Variants in BRINP3 observed in about 807,000 individuals in gnomAD.
BRINP3 encodes the protein BMP/retinoic acid-inducible neural-specific protein 3.
A neutral mutation model predicts 71.0 loss-of-function variants in BRINP3; 19 were observed. That is an observed-to-expected ratio of 0.27 (90% CI 0.19 to 0.39). The LOEUF (loss-of-function observed/expected upper bound fraction) is 0.39. BRINP3 is among the 10% of genes least tolerant of loss of function. The pLI is 1.00. For missense variants in BRINP3, 959 were observed against 940.8 expected (o/e 1.02, Z -0.25); for synonymous variants, 380 against 337.7 (o/e 1.13, Z -1.37).
chr1:190,310,542 C>CAG (rs1665444877), intron 2 of BRINP3, among the ~76,000 whole-genome samples: 1 of 151,658 alleles, frequency 6.6e-6, no homozygotes, highest in Admixed American at 6.6e-5. Flanking sequence ...ATCCAGCATA[C>CAG]TGCATGCCAT....
At chr1:190,456,292 G>A (rs931393757) in intron 1 of BRINP3, among the ~76,000 whole-genome samples, 4 of 152,114 alleles carry the variant, frequency 2.6e-5, no homozygotes, top group Non-Finnish European at 5.9e-5. Flanking sequence ...TTAATATCAC[G>A]ATATCCATAA....
At chr1:190,255,778 C>A (rs929489935) in intron 4 of BRINP3, among the ~76,000 whole-genome samples, 4 of 151,876 alleles carry the variant, frequency 2.6e-5, no homozygotes, top group African/African-American at 9.7e-5. Context: ...GTCTCTCTCT[C>A]CTTCAGTTCT....
At chr1:190,421,554 C>T (rs1673386668) in intron 2 of BRINP3, among the ~76,000 whole-genome samples, 1 of 151,374 alleles carries the variant, frequency 6.6e-6, no homozygotes, top group African/African-American at 2.4e-5. Context: ...AATTGATTCC[C>T]TATGTTATGA....
chr1:190,348,645 T>C (rs1668176152), intron 2 of BRINP3, among the ~76,000 whole-genome samples: 1 of 152,186 alleles, frequency 6.6e-6, no homozygotes, highest in Non-Finnish European at 1.5e-5. Context: ...CCTGGAAATA[T>C]ATTAAGCACT....
chr1:190,343,710 T>C (rs577998702), intron 2 of BRINP3, among the ~76,000 whole-genome samples: 1 of 151,666 alleles, frequency 6.6e-6, no homozygotes, highest in African/African-American at 2.4e-5. Context: ...GGAGAGTACG[T>C]CTTCTACCAA....
At chr1:190,120,958 G>A (rs1038247998) in intron 7 of BRINP3, among the ~76,000 whole-genome samples, 10 of 152,140 alleles carry the variant, frequency 6.6e-5, no homozygotes, top group Non-Finnish European at 7.4e-5. Context: ...AAGGCAGTGA[G>A]TTAAATTATG....
At chr1:190,377,836 GA>G in intron 2 of BRINP3, among the ~76,000 whole-genome samples, 1 of 151,790 alleles carries the variant, frequency 6.6e-6, no homozygotes, top group East Asian at 1.9e-4. Context: ...AAGCTACACT[GA>G]AAAGTACAAA....
chr1:190,313,587 A>G (rs1665679359), intron 2 of BRINP3, among the ~76,000 whole-genome samples: 1 of 152,018 alleles, frequency 6.6e-6, no homozygotes, highest in Non-Finnish European at 1.5e-5. Context: ...GCAAATTTTT[A>G]TTCTTACAAC....
intron 2 of BRINP3, among the ~76,000 whole-genome samples, chr1:190,385,762 G>A (rs941389519): frequency 4.6e-5 from 7 of 151,820 alleles, no homozygotes; most frequent in African/African-American, 1.5e-4. Flanking sequence ...AATCATGCTG[G>A]TATAAAGACA....
At chr1:190,193,318 C>A (rs1036339168) in intron 6 of BRINP3, among the ~76,000 whole-genome samples, 4 of 151,950 alleles carry the variant, frequency 2.6e-5, no homozygotes, top group Non-Finnish European at 5.9e-5. Flanking sequence ...ATGTGTGAAG[C>A]CCAAGCAGGA....
intron 2 of BRINP3, among the ~76,000 whole-genome samples, chr1:190,368,115 A>G (rs2102170641): frequency 6.6e-6 from 1 of 152,240 alleles, no homozygotes; most frequent in Admixed American, 6.5e-5. Flanking sequence ...ATAAAGACAT[A>G]CCTGAGACTG....
chr1:190,419,183 GAAATAAAAAATGAATGTTTCA>G (rs1442485829), intron 2 of BRINP3, among the ~76,000 whole-genome samples: 1 of 151,738 alleles, frequency 6.6e-6, no homozygotes, highest in East Asian at 1.9e-4. Context: ...ATCAAAAGGG[GAAATAAAAAATGAATGTTTCA>G]AAAGCATTAC....
chr1:190,352,316 T>G (rs774510789), intron 2 of BRINP3, among the ~76,000 whole-genome samples: 2 of 152,032 alleles, frequency 1.3e-5, no homozygotes, highest in Non-Finnish European at 2.9e-5. Flanking sequence ...CCTGTTCCAC[T>G]GGGGGAAGCT....
chr1:190,130,064 G>A (rs889470697), intron 7 of BRINP3, among the ~76,000 whole-genome samples: 2 of 151,880 alleles, frequency 1.3e-5, no homozygotes, highest in African/African-American at 4.8e-5. Flanking sequence ...TTCTAGCATC[G>A]TGTCCAGATA....
chr1:190,448,723 T>C (rs1409918142), intron 2 of BRINP3, among the ~76,000 whole-genome samples: 1 of 151,918 alleles, frequency 6.6e-6, no homozygotes, highest in African/African-American at 2.4e-5. Flanking sequence ...CTGATTATGA[T>C]AATTATTTTT....
At chr1:190,102,593 T>C (rs901195336) in intron 7 of BRINP3, among the ~76,000 whole-genome samples, 15 of 151,574 alleles carry the variant, frequency 9.9e-5, no homozygotes, top group African/African-American at 3.4e-4. Context: ...GTAAACATTC[T>C]AAATAAAAGA....
rs535573915 is a variant in BRINP3 at position 190,364,472 on chromosome 1, G to A, written c.237-82722C>T. ...TATGCAATAAACAACGTGGAGCCCAGGAAAGAGACAGGAACTTGGCAATCA... is the reference window on the plus strand; with the variant it reads ...TATGCAATAAACAACGTGGAGCCCAAGAAAGAGACAGGAACTTGGCAATCA... On this transcript the variant is annotated intron_variant, in intron 2 of 7. Coordinates refer to ENST00000367462, the MANE Select transcript of BRINP3 (RefSeq NM_199051.3). Among the ~76,000 whole-genome samples the A allele has an allele frequency of 2.6e-5, 4 of 152,022 alleles. No homozygotes were observed. In the East Asian group the frequency reaches 7.8e-4, roughly 29 times the overall value.
chr1:190,441,145 A>C (rs1453774269), intron 2 of BRINP3, among the ~76,000 whole-genome samples: 2 of 151,496 alleles, frequency 1.3e-5, no homozygotes, highest in African/African-American at 4.8e-5. Context: ...AGAAGCTAGA[A>C]AAAAAAAACC....
chr1:190,304,006 C>G (rs1460692726), intron 2 of BRINP3, among the ~76,000 whole-genome samples: 1 of 151,488 alleles, frequency 6.6e-6, no homozygotes, highest in Non-Finnish European at 1.5e-5. Flanking sequence ...GAAGAAAAAA[C>G]ACTATACATC....
Sources: allele counts gnomAD v4.1 joint callset (sites outside exome capture counted in the v4.1 genomes callset), GRCh38; gene constraint gnomAD v4.1.1; transcripts MANE v1.5; gene names NCBI Gene and HGNC (gene_info 2026-07-23, HGNC 2026-07-21).